GGT1: variants seen among roughly 807,000 people sequenced by gnomAD.
The protein encoded by GGT1 is gamma-glutamyltransferase 1.
Under a neutral mutation model 56.0 loss-of-function variants are expected in GGT1, and 21 were observed. That is an observed-to-expected ratio of 0.38 (90% CI 0.27 to 0.54). GGT1 has a LOEUF of 0.54. Ranked by LOEUF, GGT1 falls within the 20% of genes least tolerant of loss-of-function variation. The pLI is 0.82. For synonymous variants in GGT1, 238 were observed against 342.6 expected (o/e 0.69, Z 3.37); for missense variants, 466 against 787.0 (o/e 0.59, Z 4.88).
chr22:24,588,114 TG>T, the GGT1 span: 2 of 919,562 alleles, frequency 2.2e-6, no homozygotes, highest in Non-Finnish European at 3.5e-6. Flanking sequence ...CCTCACCAGG[TG>T]GGATTTCAGC....
intron 11 of GGT1, chr22:24,624,125 A>C (rs1344440231): frequency 1.0e-6 from 1 of 985,258 alleles, no homozygotes; most frequent in East Asian, 1.1e-4. Context: ...GTGGGGAATT[A>C]GTGGCCACCC....
At chr22:24,585,431 T>A in the GGT1 span, among the ~76,000 whole-genome samples, 6 of 152,164 alleles carry the variant, frequency 3.9e-5, no homozygotes, top group Non-Finnish European at 7.4e-5. Context: ...CCTGGAGGCC[T>A]CCTCTAACTC....
At chr22:24,601,653 C>T (rs573284648), upstream of GGT1, among the ~76,000 whole-genome samples, 2 of 152,364 alleles carry the variant, frequency 1.3e-5, no homozygotes, top group African/African-American at 4.8e-5. Context: ...GATGCTGAGC[C>T]AGGCACTGGA....
rs2046561971 is a variant in GGT1, at chr22:24,610,028, C to T, written c.-295C>T. 1 of 465,718 alleles carries T rather than the reference C, an allele frequency of 2.1e-6. No individual in the cohort carries two copies. Among genetic ancestry groups the T allele is most frequent in the Admixed American group, 2.4e-5 (1 of 42,248 alleles). The allele number at this position is 465,718 out of a possible 1,614,324, so 28.8% of individuals were successfully genotyped here. A position where few individuals can be genotyped will look rare whatever the true frequency, so the allele number is the denominator to read the frequency against. On this transcript the variant is annotated 5_prime_UTR_variant, in exon 3 of 16. Transcript: ENST00000400382. The stretch of plus-strand genomic sequence containing the variant: ...GTTCAGTGATTTGCCTGAGGCCCCA[C>T]AGCAGGTGAGTGGCAAGTCCAGCAT...
At chr22:24,604,609 A>G (rs887729069) in intron 1 of GGT1, among the ~76,000 whole-genome samples, 7 of 152,082 alleles carry the variant, frequency 4.6e-5, no homozygotes, top group African/African-American at 1.4e-4. Context: ...TTATGTGCCC[A>G]GGACAAGAGC....
intron 2 of GGT1, 143 bp downstream of exon 2, chr22:24,608,166 T>C: frequency 6.0e-6 from 2 of 330,620 alleles, no homozygotes; most frequent in Non-Finnish European, 1.3e-5. Flanking sequence ...GCTTGGACAT[T>C]CTTTCAGTGA....
At chr22:24,603,841 G>A (rs1000647590) in intron 1 of GGT1, among the ~76,000 whole-genome samples, 2 of 151,948 alleles carry the variant, frequency 1.3e-5, no homozygotes, top group African/African-American at 4.8e-5. Flanking sequence ...TGCTTGCCTC[G>A]CTCCTGGGTT....
At chr22:24,592,519 G>T, upstream of GGT1, 1 of 436,770 alleles carries the variant, frequency 2.3e-6, no homozygotes. Context: ...CATCTTGCCA[G>T]GGCCTGAATT....
At chr22:24,595,216 G>T (rs904804971) in intron 1 of GGT1, among the ~76,000 whole-genome samples, 5 of 152,332 alleles carry the variant, frequency 3.3e-5, no homozygotes, top group African/African-American at 1.2e-4. Flanking sequence ...TCCAGCAAAA[G>T]AGGGAGGGTG....
Position 24,614,432 on chromosome 22 carries a change from A to G in GGT1, c.165-344A>G, listed in dbSNP as rs990875794. ...AGAGATAGAGACCAGCCTGGCCAAC[A>G]TGGTGAAACCCCGTCTCTACTAAAA... On this transcript the variant is annotated intron_variant, in intron 5 of 15. Coordinates refer to ENST00000400382, the MANE Select transcript of GGT1 (RefSeq NM_001288833.2). Among the ~76,000 whole-genome samples the G allele has an allele frequency of 2.1e-4, 31 of 149,552 alleles. 1 individual carries two copies. Among genetic ancestry groups the G allele is most frequent in the Non-Finnish European group, 3.9e-4 (26 of 67,502 alleles).
Position 24,624,098 on chromosome 22 carries a change from C to T in GGT1, c.1020+182C>T, listed in dbSNP as rs145982972. ...GGTGACCCCCAGTCTTGGCTTCTGC[C>T]GCACAGAACTGACAGTGTGGGGAAT... is the stretch of plus-strand genomic sequence containing the variant. On this transcript the variant is annotated intron_variant, in intron 11 of 15. Coordinates refer to ENST00000400382, the MANE Select transcript of GGT1 (RefSeq NM_001288833.2). The T allele has an allele frequency of 1.1e-3, 1,045 of 985,438 alleles. 5 individuals carry two copies. In the South Asian group the frequency reaches 0.02, roughly 19 times the overall value. 61.0% of individuals were successfully genotyped at this position (985,438 alleles called of 1,614,324 possible). A position where few individuals can be genotyped will look rare whatever the true frequency, so the allele number is the denominator to read the frequency against.
At chr22:24,596,132 C>T (rs905760269) in intron 1 of GGT1, among the ~76,000 whole-genome samples, 4 of 152,122 alleles carry the variant, frequency 2.6e-5, no homozygotes, top group South Asian at 4.1e-4. Context: ...CGGGGTGAGG[C>T]GAGATCACAG....
At chr22:24,608,074 T>C in intron 2 of GGT1, 51 bp downstream of exon 2, 1 of 461,182 alleles carries the variant, frequency 2.2e-6, no homozygotes, top group Non-Finnish European at 4.5e-6. Context: ...AGGCCAACCA[T>C]GGCAGCTGAC....
chr22:24,622,953 C>T (rs2047524448), intron 9 of GGT1, among the ~76,000 whole-genome samples, 154 bp from the exon 10 acceptor site: 2 of 152,150 alleles, frequency 1.3e-5, no homozygotes. Context: ...CCCACCCCTC[C>T]AGTAGTGCAC....
upstream of GGT1, chr22:24,592,906 C>T (rs1489991307): frequency 5.5e-6 from 7 of 1,278,502 alleles, no homozygotes; most frequent in Non-Finnish European, 5.9e-6. Context: ...CTCCGGCCGC[C>T]GCTCGCGGAG....
At chr22:24,588,470 C>T in the GGT1 span, 1 of 759,602 alleles carries the variant, frequency 1.3e-6, no homozygotes, top group Non-Finnish European at 2.2e-6. Flanking sequence ...ACCAGGGCCT[C>T]CCCCTCCTAC....
the GGT1 span, chr22:24,589,268 G>A: frequency 7.9e-7 from 1 of 1,259,512 alleles, no homozygotes; most frequent in South Asian, 1.3e-5. Flanking sequence ...CTGGGCAGCT[G>A]TGGGGTGGAG....
chr22:24,588,870 C>G, the GGT1 span: 1 of 1,007,514 alleles, frequency 9.9e-7, no homozygotes, highest in Admixed American at 5.5e-5. Flanking sequence ...CACCACCTGG[C>G]TCTCTCTCAG....
chr22:24,601,320 G>T (rs1267058105), upstream of GGT1, among the ~76,000 whole-genome samples: 2 of 152,238 alleles, frequency 1.3e-5, no homozygotes, highest in African/African-American at 4.8e-5. Flanking sequence ...CCCACTCAGG[G>T]CATGAGGCTT....
Sources: allele counts gnomAD v4.1 joint callset (sites outside exome capture counted in the v4.1 genomes callset), GRCh38; gene constraint gnomAD v4.1.1; transcripts MANE v1.5; gene names NCBI Gene and HGNC (gene_info 2026-07-23, HGNC 2026-07-21).